SETBP1: variants seen among roughly 807,000 people sequenced by gnomAD.
The protein encoded by SETBP1 is SET-binding protein.
A neutral mutation model predicts 101.0 loss-of-function variants in SETBP1; 9 were observed. The observed-to-expected ratio is 0.09, with a 90% CI of 0.05 to 0.16. The LOEUF (loss-of-function observed/expected upper bound fraction) is 0.16, where lower values mean the gene tolerates loss of function less well. SETBP1 is among the 10% of genes least tolerant of loss of function. The pLI is 1.00. For synonymous variants in SETBP1, 818 were observed against 788.5 expected, an observed-to-expected ratio of 1.04 and a Z score of -0.63; for missense variants, 1,858 against 2,033.8, an observed-to-expected ratio of 0.91 and a Z score of 1.66.
In SETBP1 at chr18:44,701,761, C is replaced by A; in HGVS notation, c.415C>A (p.Gln139Lys). 1.2e-6 allele frequency: 2 copies of A among 1,613,964 alleles called. No individual in the cohort carries two copies. Among genetic ancestry groups the A allele is most frequent in the Non-Finnish European group, 1.7e-6 (2 of 1,179,886 alleles). The change falls in exon 2 of 6, where the codon CAG (glutamine) becomes AAG (lysine). Residue 139 changes from glutamine (Q) to lysine (K), a missense_variant. This residue lies in a region of SETBP1 where 581 missense variants were observed against 535.1 expected (regional missense o/e 1.09). Coordinates refer to ENST00000649279, the MANE Select transcript of SETBP1 (RefSeq NM_015559.3). The part of the protein sequence containing the change: ...IKITIKQSGD[Q>K]KVSRAGKNSK... ...GATCACCATCAAGCAGTCTGGGGAC[C>A]AGAAGGTGTCCCGTGCTGGAAAAAA...
At chr18:44,918,234 A>G (rs2070491568) in intron 3 of SETBP1, among the ~76,000 whole-genome samples, 1 of 152,180 alleles carries the variant, frequency 6.6e-6, no homozygotes. Context: ...GGATCTGGTC[A>G]CAATGCTCTG....
intron 4 of SETBP1, among the ~76,000 whole-genome samples, chr18:44,991,263 A>G (rs1388319118): frequency 6.6e-6 from 1 of 150,932 alleles, no homozygotes; most frequent in Non-Finnish European, 1.5e-5. Flanking sequence ...AAAAAAAAAA[A>G]AAAGGAAGAA....
At chr18:44,884,483 C>G (rs1287165968) in intron 3 of SETBP1, among the ~76,000 whole-genome samples, 1 of 152,136 alleles carries the variant, frequency 6.6e-6, no homozygotes, top group Non-Finnish European at 1.5e-5. Flanking sequence ...AAAGTTGGTC[C>G]CAGCAGAACC....
At chr18:44,908,814 A>G (rs750740364) in intron 3 of SETBP1, among the ~76,000 whole-genome samples, 1 of 152,250 alleles carries the variant, frequency 6.6e-6, no homozygotes, top group African/African-American at 2.4e-5. Context: ...CATGTCCTGT[A>G]GAGTACTTGT....
intron 3 of SETBP1, among the ~76,000 whole-genome samples, chr18:44,886,615 A>G (rs1436923264): frequency 6.6e-6 from 1 of 152,026 alleles, no homozygotes; most frequent in African/African-American, 2.4e-5. Context: ...TTTCTGTAGG[A>G]AGGGCCCTGT....
At chr18:44,882,164 A>C (rs956681208) in intron 3 of SETBP1, among the ~76,000 whole-genome samples, 1 of 152,194 alleles carries the variant, frequency 6.6e-6, no homozygotes, top group Non-Finnish European at 1.5e-5. Context: ...CCAATATTTT[A>C]GTAGAGAAAA....
At chr18:44,760,230 T>C (rs963705766) in intron 2 of SETBP1, among the ~76,000 whole-genome samples, 1 of 152,206 alleles carries the variant, frequency 6.6e-6, no homozygotes, top group Non-Finnish European at 1.5e-5. Flanking sequence ...ACTACTTCCT[T>C]GTTGAGATAG....
At position 44,778,451 on chromosome 18, in the gene SETBP1, C is replaced by A. The variant is rs934875637; in HGVS notation, c.486+76619C>A. 5.3e-5 allele frequency among the ~76,000 whole-genome samples: 8 copies of A among 152,214 alleles called. No individual in the cohort carries two copies. In the South Asian group the frequency reaches 1.7e-3, roughly 32 times the overall value. ...TTTGATGTCACTTGCATAACATTTT[C>A]CTAAAGAACTGTCAAGTACCAAATC... On this transcript the variant is annotated intron_variant, in intron 2 of 5. Coordinates refer to ENST00000649279, the MANE Select transcript of SETBP1 (RefSeq NM_015559.3).
At chr18:44,945,305 A>C in intron 3 of SETBP1, among the ~76,000 whole-genome samples, 1 of 152,218 alleles carries the variant, frequency 6.6e-6, no homozygotes, top group African/African-American at 2.4e-5. Flanking sequence ...CCCATCAAAA[A>C]GTGGGCACAC....
rs141738117 is a variant in SETBP1 at position 45,041,459 on chromosome 18, G to A, written c.4171+2804G>A. Among the ~76,000 whole-genome samples, 227 of 152,170 alleles carry A rather than the reference G, an allele frequency of 1.5e-3. 1 individual carries two copies. Among genetic ancestry groups the A allele is most frequent in the African/African-American group, 5.2e-3 (216 of 41,514 alleles). On this transcript the variant is annotated intron_variant, in intron 5 of 5. Coordinates refer to ENST00000649279, the MANE Select transcript of SETBP1 (RefSeq NM_015559.3). ...TTCATCTTTCACTATAAGCAAGGTAGAATTACGTCTGGCTTTAGGCAGGGA... is the reference window on the plus strand; with the variant it reads ...TTCATCTTTCACTATAAGCAAGGTAAAATTACGTCTGGCTTTAGGCAGGGA...
chr18:44,980,621 A>T (rs947544147), intron 4 of SETBP1, among the ~76,000 whole-genome samples: 1 of 151,982 alleles, frequency 6.6e-6, no homozygotes, highest in Non-Finnish European at 1.5e-5. Context: ...AGAGGCAGGG[A>T]GGTTGAGGAG....
intron 2 of SETBP1, among the ~76,000 whole-genome samples, chr18:44,731,516 G>T (rs950205480): frequency 8.5e-5 from 13 of 152,050 alleles, no homozygotes; most frequent in Non-Finnish European, 1.6e-4. Context: ...ACCAAACTTA[G>T]AATTGTTTTG....
chr18:44,905,798 A>T (rs1263808838), intron 3 of SETBP1, among the ~76,000 whole-genome samples: 1 of 152,240 alleles, frequency 6.6e-6, no homozygotes, highest in Non-Finnish European at 1.5e-5. Flanking sequence ...CAGGTGTCAC[A>T]CAAAAATTAA....
chr18:44,888,216 A>G (rs371836414), intron 3 of SETBP1, among the ~76,000 whole-genome samples: 19 of 152,190 alleles, frequency 1.2e-4, no homozygotes, highest in African/African-American at 4.6e-4. Context: ...ATGCACCTCA[A>G]TTGGTGAGAA....
At chr18:44,902,217 C>T (rs995588728) in intron 3 of SETBP1, among the ~76,000 whole-genome samples, 2 of 115,592 alleles carry the variant, frequency 1.7e-5, no homozygotes, top group Non-Finnish European at 3.6e-5. Flanking sequence ...CCACTCACTA[C>T]ATATATCTCT....
At chr18:44,714,997 T>A (rs1254643223) in intron 2 of SETBP1, among the ~76,000 whole-genome samples, 1 of 152,064 alleles carries the variant, frequency 6.6e-6, no homozygotes, top group Admixed American at 6.6e-5. Flanking sequence ...ACTCTGAGGG[T>A]TTAAATGGCT....
At chr18:45,020,214 C>G (rs58228944) in intron 4 of SETBP1, among the ~76,000 whole-genome samples, 20,030 of 126,416 alleles carry the variant, frequency 0.16, 1,503 homozygotes, top group East Asian at 0.31. Context: ...GAGCCGAGAT[C>G]ACACCACTAC....
chr18:45,045,075 A>G (rs908755114), intron 5 of SETBP1, among the ~76,000 whole-genome samples: 6 of 152,092 alleles, frequency 3.9e-5, no homozygotes, highest in Non-Finnish European at 8.8e-5. Flanking sequence ...TGAGGTCAGG[A>G]GTCCGAGACC....
intron 3 of SETBP1, among the ~76,000 whole-genome samples, chr18:44,893,667 A>G (rs537544480): frequency 1.2e-4 from 18 of 152,282 alleles, no homozygotes; most frequent in African/African-American, 4.3e-4. Context: ...TTCATGACCC[A>G]TTATGAATTC....
Sources: allele counts gnomAD v4.1 joint callset (sites outside exome capture counted in the v4.1 genomes callset), GRCh38; gene constraint gnomAD v4.1.1; regional missense constraint gnomAD v4.1.1; transcripts MANE v1.5; gene names NCBI Gene and HGNC (gene_info 2026-07-23, HGNC 2026-07-21).